Variants in ARRB1 observed in about 807,000 individuals in gnomAD.
ARRB1 encodes the protein arrestin beta 1.
ARRB1 carries 21 observed loss-of-function variants against 56.8 expected under a neutral mutation model. The ratio of observed to expected loss-of-function variants is 0.37; its 90% CI spans 0.26 to 0.53. The LOEUF (loss-of-function observed/expected upper bound fraction) is 0.53. ARRB1 is among the 20% of genes least tolerant of loss of function. The probability of loss-of-function intolerance (pLI) is 0.88; values close to 1 mark genes in which losing one functional copy is unlikely to be tolerated. For missense variants in ARRB1, 424 were observed against 553.7 expected (o/e 0.77, Z 2.35); for synonymous variants, 210 against 218.6 (o/e 0.96, Z 0.35).
At chr11:75,310,255 CAGGGTGTTG>C (rs1354860702) in intron 1 of ARRB1, among the ~76,000 whole-genome samples, 2 of 152,144 alleles carry the variant, frequency 1.3e-5, no homozygotes, top group African/African-American at 2.4e-5. Flanking sequence ...CAGCCTGCTC[CAGGGTGTTG>C]AGGGGGATGA....
intron 7 of ARRB1, among the ~76,000 whole-genome samples, chr11:75,278,951 T>A (rs992509360): frequency 1.3e-5 from 2 of 152,234 alleles, no homozygotes; most frequent in Non-Finnish European, 2.9e-5. Context: ...AAGTGCCCTG[T>A]GGCTGCACTT....
At chr11:75,348,882 G>A (rs369252668) in intron 1 of ARRB1, among the ~76,000 whole-genome samples, 11 of 152,214 alleles carry the variant, frequency 7.2e-5, no homozygotes, top group East Asian at 5.8e-4. Flanking sequence ...GAACCACCGC[G>A]CACAGCCCTG....
intron 7 of ARRB1, 36 bp downstream of exon 7, chr11:75,281,039 C>T (rs1430744489): frequency 3.2e-6 from 5 of 1,582,038 alleles, no homozygotes; most frequent in Non-Finnish European, 4.3e-6. Flanking sequence ...CCCTCCCTCA[C>T]CCAGCAGGCG....
chr11:75,300,219 A>AG (rs1264822822), intron 1 of ARRB1, among the ~76,000 whole-genome samples: 4 of 140,188 alleles, frequency 2.9e-5, no homozygotes, highest in African/African-American at 1.1e-4. Context: ...AAAAAAAAAA[A>AG]AAAGAAAGAA....
intron 1 of ARRB1, among the ~76,000 whole-genome samples, chr11:75,319,013 G>A (rs929086757): frequency 6.6e-5 from 10 of 152,162 alleles, no homozygotes; most frequent in South Asian, 2.1e-4. Context: ...TTGCCAGGTA[G>A]GTTCTATTAT....
chr11:75,276,331 G>T (rs1427528804), intron 10 of ARRB1, among the ~76,000 whole-genome samples: 1 of 152,084 alleles, frequency 6.6e-6, no homozygotes, highest in African/African-American at 2.4e-5. Context: ...GACAAAGTTC[G>T]ATCCATGCTC....
Position 75,290,025 on chromosome 11 carries a change from G to C in ARRB1, c.35C>G (p.Ala12Gly), listed in dbSNP as rs1946567782. ...CAGACTCACCTTTCCATTTGGACTG[G>C]CCTTCTTGAACACTCTGTGGAGAGA... Reference protein sequence around the residue: ...GDKGTRVFKKASPNGKLTVYL... With the variant: ...GDKGTRVFKKGSPNGKLTVYL... Residue 12 changes from alanine (A) to glycine (G), a missense_variant, in exon 2 of 16, where the codon GCC becomes GGC. Ala to Gly is a moderately conservative substitution (Grantham distance 60). Transcript: ENST00000420843. The C allele has an allele frequency of 1.9e-6, 3 of 1,614,238 alleles. No homozygotes were observed.
chr11:75,342,754 C>T (rs1226596965), intron 1 of ARRB1, among the ~76,000 whole-genome samples: 1 of 152,178 alleles, frequency 6.6e-6, no homozygotes, highest in Non-Finnish European at 1.5e-5. Flanking sequence ...GCCGGGGCAC[C>T]TATTTAGGAA....
At chr11:75,268,191 G>A (rs1395600051) in intron 14 of ARRB1, among the ~76,000 whole-genome samples, 1 of 151,992 alleles carries the variant, frequency 6.6e-6, no homozygotes. Context: ...AATGAAATAT[G>A]ACCAATCTGC....
At chr11:75,347,742 G>A (rs1402441221) in intron 1 of ARRB1, among the ~76,000 whole-genome samples, 1 of 152,088 alleles carries the variant, frequency 6.6e-6, no homozygotes, top group Non-Finnish European at 1.5e-5. Context: ...GCAAAATGGG[G>A]ACAACAATGA....
In ARRB1 at chr11:75,324,226, G is replaced by A. The variant is rs778894782; in HGVS notation, c.20+27362C>T. On this transcript the variant is annotated intron_variant, in intron 1 of 15. Coordinates refer to ENST00000420843, the MANE Select transcript of ARRB1 (RefSeq NM_004041.5). ...CTCAGAACTCAGGCTGTGTGCCCGCGCCCTCCCCCCAGGTCTAGGGGAACA... is the reference window on the plus strand; with the variant it reads ...CTCAGAACTCAGGCTGTGTGCCCGCACCCTCCCCCCAGGTCTAGGGGAACA... 2.0e-5 allele frequency among the ~76,000 whole-genome samples: 3 copies of A among 152,158 alleles called. 1 individual carries two copies. The highest frequency in any genetic ancestry group is 4.4e-5 in the Non-Finnish European group (3 of 68,034).
chr11:75,343,479 C>T (rs969726157), intron 1 of ARRB1, among the ~76,000 whole-genome samples: 1 of 152,152 alleles, frequency 6.6e-6, no homozygotes, highest in Non-Finnish European at 1.5e-5. Flanking sequence ...GTCATATAAG[C>T]GATAAGAACC....
chr11:75,302,897 T>A (rs1025992913), intron 1 of ARRB1, among the ~76,000 whole-genome samples: 3 of 152,130 alleles, frequency 2.0e-5, no homozygotes, highest in Non-Finnish European at 4.4e-5. Flanking sequence ...GAGATGGTCA[T>A]GTTACTCCTG....
At chr11:75,304,707 C>T (rs1369535452) in intron 1 of ARRB1, among the ~76,000 whole-genome samples, 1 of 151,768 alleles carries the variant, frequency 6.6e-6, no homozygotes, top group African/African-American at 2.4e-5. Flanking sequence ...CTGCATAATG[C>T]ACATGTCAGT....
chr11:75,280,693 C>T (rs1477366288), intron 7 of ARRB1, among the ~76,000 whole-genome samples: 3 of 152,240 alleles, frequency 2.0e-5, no homozygotes, highest in African/African-American at 4.8e-5. Flanking sequence ...CTGAACGCCT[C>T]CCAGGAGGAA....
At chr11:75,306,223 C>A (rs1440875499) in intron 1 of ARRB1, among the ~76,000 whole-genome samples, 3 of 152,142 alleles carry the variant, frequency 2.0e-5, no homozygotes, top group African/African-American at 7.2e-5. Context: ...AAAAGGAGTT[C>A]CCTGGGCAAC....
intron 1 of ARRB1, among the ~76,000 whole-genome samples, chr11:75,331,310 C>T (rs1947515516): frequency 6.6e-6 from 1 of 152,114 alleles, no homozygotes; most frequent in Admixed American, 6.6e-5. Context: ...CATGCCTGGC[C>T]ATGTCTGATT....
Position 75,262,808 on chromosome 11 carries a change from C to T in ARRB1, c.*3355G>A, listed in dbSNP as rs1400584190. 6.6e-6 allele frequency among the ~76,000 whole-genome samples: 1 copy of T among 152,202 alleles called. No individual in the cohort carries two copies. Among genetic ancestry groups the T allele is most frequent in the Non-Finnish European group, 1.5e-5 (1 of 68,032 alleles). ...TTCCAGGACAGAGTTCCTTTCACTG[C>T]ACCATGTAGGAACCAGCTTGTCAGG... is the stretch of plus-strand genomic sequence containing the variant. On this transcript the variant is annotated 3_prime_UTR_variant, in exon 16 of 16. Transcript: ENST00000420843.
At chr11:75,305,293 C>T (rs1470079627) in intron 1 of ARRB1, among the ~76,000 whole-genome samples, 1 of 151,824 alleles carries the variant, frequency 6.6e-6, no homozygotes, top group Non-Finnish European at 1.5e-5. Context: ...GATCCTCCAG[C>T]TTCTGCCTCC....
Sources: gnomAD v4.1 joint callset for allele counts (sites outside exome capture counted in the v4.1 genomes callset) on GRCh38, gnomAD v4.1.1 for gene constraint, MANE v1.5 for transcripts, NCBI Gene and HGNC (gene_info 2026-07-23, HGNC 2026-07-21) for gene names.